Variants in RORB observed in about 807,000 individuals in gnomAD.
The protein encoded by RORB is nuclear receptor ROR-beta.
RORB carries 6 observed loss-of-function variants against 59.1 expected under a neutral mutation model. That is an observed-to-expected ratio of 0.10 (90% CI 0.06 to 0.20). The LOEUF (loss-of-function observed/expected upper bound fraction) is 0.20. RORB is among the 10% of genes least tolerant of loss of function. The probability of loss-of-function intolerance (pLI) is 1.00; values close to 1 mark genes in which losing one functional copy is unlikely to be tolerated. For missense variants in RORB, 320 were observed against 560.5 expected (o/e 0.57, Z 4.33); for synonymous variants, 215 against 204.5 (o/e 1.05, Z -0.44).
At chr9:74,518,753 C>G (rs577652594) in intron 1 of RORB, among the ~76,000 whole-genome samples, 5 of 151,916 alleles carry the variant, frequency 3.3e-5, no homozygotes, top group African/African-American at 1.2e-4. Flanking sequence ...GACTAGGTAA[C>G]CTGTCCAAAA....
At chr9:74,541,483 T>C (rs1267746713) in intron 1 of RORB, among the ~76,000 whole-genome samples, 1 of 151,988 alleles carries the variant, frequency 6.6e-6, no homozygotes, top group African/African-American at 2.4e-5. Context: ...AGAACAGCCC[T>C]CCCCTGTAAA....
At chr9:74,652,393 C>A (rs1010436454) in intron 4 of RORB, among the ~76,000 whole-genome samples, 4 of 152,040 alleles carry the variant, frequency 2.6e-5, no homozygotes, top group African/African-American at 4.8e-5. Context: ...GGCGACAGAT[C>A]AAGACTCCAA....
intron 1 of RORB, among the ~76,000 whole-genome samples, chr9:74,618,533 G>C (rs571807103): frequency 1.4e-4 from 22 of 152,082 alleles, no homozygotes; most frequent in African/African-American, 5.3e-4. Flanking sequence ...TTTCTCTGCC[G>C]TCCTGGCTCG....
intron 1 of RORB, among the ~76,000 whole-genome samples, chr9:74,588,171 C>T (rs1460275462): frequency 1.3e-5 from 2 of 152,022 alleles, no homozygotes; most frequent in Non-Finnish European, 2.9e-5. Context: ...AAACAAGCAT[C>T]CTTTTCCACC....
chr9:74,577,070 G>C (rs1822646977), intron 1 of RORB, among the ~76,000 whole-genome samples: 1 of 152,102 alleles, frequency 6.6e-6, no homozygotes, highest in African/African-American at 2.4e-5. Flanking sequence ...CTGCATGTGT[G>C]TGTCTATGTA....
chr9:74,591,553 G>A (rs972099645), intron 1 of RORB, among the ~76,000 whole-genome samples: 5 of 152,288 alleles, frequency 3.3e-5, no homozygotes, highest in East Asian at 1.9e-4. Context: ...CTGATACTAC[G>A]TGGACATAGA....
At chr9:74,636,485 C>A (rs955228571) in intron 3 of RORB, among the ~76,000 whole-genome samples, 1 of 152,078 alleles carries the variant, frequency 6.6e-6, no homozygotes, top group African/African-American at 2.4e-5. Context: ...AAAATTTAGA[C>A]GGTCTGAATC....
intron 1 of RORB, among the ~76,000 whole-genome samples, chr9:74,538,215 G>A (rs938824105): frequency 1.3e-5 from 2 of 152,016 alleles, no homozygotes; most frequent in African/African-American, 4.8e-5. Flanking sequence ...ATTTAGACTT[G>A]TGTAAGTACA....
intron 1 of RORB, among the ~76,000 whole-genome samples, chr9:74,592,552 G>C (rs956177923): frequency 2.0e-5 from 3 of 152,120 alleles, no homozygotes; most frequent in African/African-American, 7.2e-5. Flanking sequence ...AGAAAAACAA[G>C]TACTACCTGT....
chr9:74,566,582 T>C lies in RORB; in HGVS notation c.8-63700T>C, dbSNP rs143857095. ...GAAGCCGAGGTGGGTGGATCACCTG[T>C]GGTCAGGAGTTCGAGACTAGCCTGG... On this transcript the variant is annotated intron_variant, in intron 1 of 9. Transcript: ENST00000376896. Among the ~76,000 whole-genome samples the C allele has an allele frequency of 5.9e-3, 890 of 152,120 alleles. 5 individuals are homozygous for C. Among genetic ancestry groups the C allele is most frequent in the Non-Finnish European group, 0.01 (709 of 67,966 alleles).
rs372919640 is a variant in RORB at position 74,497,959 on chromosome 9, C to G, written c.-18C>G. The G allele has an allele frequency of 1.3e-4, 213 of 1,611,504 alleles. 1 individual carries two copies. The highest frequency in any genetic ancestry group is 4.0e-5 in the African/African-American group (3 of 74,876). On this transcript the variant is annotated 5_prime_UTR_variant, in exon 1 of 10. Coordinates refer to ENST00000376896, the MANE Select transcript of RORB (RefSeq NM_006914.4). ...GGAGCAGCTTCATGACTACGCGGAG[C>G]GGGAGAGCGGCCACACCATGCGAGG...
chr9:74,499,650 T>A (rs1221427371), intron 1 of RORB, among the ~76,000 whole-genome samples: 1 of 152,136 alleles, frequency 6.6e-6, no homozygotes, highest in East Asian at 1.9e-4. Context: ...TTCAAGAAAC[T>A]ATACTTGGGC....
At chr9:74,544,061 G>A (rs1206045416) in intron 1 of RORB, among the ~76,000 whole-genome samples, 3 of 152,162 alleles carry the variant, frequency 2.0e-5, no homozygotes, top group Non-Finnish European at 4.4e-5. Flanking sequence ...TTTGGTGGAG[G>A]AGAGCCAGTG....
At chr9:74,674,244 T>A (rs980635340) in intron 9 of RORB, among the ~76,000 whole-genome samples, 3 of 152,222 alleles carry the variant, frequency 2.0e-5, no homozygotes, top group Non-Finnish European at 4.4e-5. Flanking sequence ...ATTGTAGTCA[T>A]GGAGCTCTTC....
intron 3 of RORB, among the ~76,000 whole-genome samples, chr9:74,641,730 G>A (rs995112099): frequency 5.3e-5 from 8 of 151,162 alleles, no homozygotes; most frequent in South Asian, 2.1e-4. Flanking sequence ...GCAAGGCCCC[G>A]GCTCTACAAA....
intron 1 of RORB, among the ~76,000 whole-genome samples, chr9:74,584,872 G>A (rs1822775444): frequency 1.3e-5 from 2 of 152,300 alleles, no homozygotes; most frequent in Non-Finnish European, 2.9e-5. Flanking sequence ...GCTAATGAAA[G>A]CTTCTGGCAC....
intron 1 of RORB, among the ~76,000 whole-genome samples, chr9:74,587,053 T>A (rs965838066): frequency 2.6e-5 from 4 of 152,184 alleles, no homozygotes; most frequent in African/African-American, 9.7e-5. Context: ...ACTTTCTCCA[T>A]CAACAAATTA....
chr9:74,631,983 C>G (rs1823626019), intron 2 of RORB, among the ~76,000 whole-genome samples: 1 of 152,102 alleles, frequency 6.6e-6, no homozygotes. Flanking sequence ...TTCTACCATT[C>G]TATTGGCTTG....
intron 1 of RORB, among the ~76,000 whole-genome samples, chr9:74,560,339 C>T (rs562824175): frequency 1.3e-5 from 2 of 152,164 alleles, no homozygotes. Flanking sequence ...AGTAGGGTGG[C>T]GGAAGGCTCA....
Sources: allele counts gnomAD v4.1 joint callset (sites outside exome capture counted in the v4.1 genomes callset), GRCh38; gene constraint gnomAD v4.1.1; transcripts MANE v1.5; gene names NCBI Gene and HGNC (gene_info 2026-07-23, HGNC 2026-07-21).